Variants in TLL1 observed in about 807,000 individuals in gnomAD.
The protein encoded by TLL1 is tolloid-like protein 1.
A neutral mutation model predicts 128.2 loss-of-function variants in TLL1; 49 were observed. The observed-to-expected ratio is 0.38, with a 90% CI of 0.30 to 0.48. The LOEUF (loss-of-function observed/expected upper bound fraction) is 0.48. Among genes scored for constraint, TLL1 ranks in the 20% least tolerant of loss-of-function variants. The pLI is 0.96. For missense variants in TLL1, 1,123 were observed against 1,242.0 expected (o/e 0.90, Z 1.44); for synonymous variants, 454 against 418.8 (o/e 1.08, Z -1.03).
At chr4:165,902,683 C>T (rs918862198) in intron 1 of TLL1, among the ~76,000 whole-genome samples, 2 of 152,162 alleles carry the variant, frequency 1.3e-5, no homozygotes, top group African/African-American at 4.8e-5. Context: ...ATTGATCTTG[C>T]TGGGAGCTGT....
At chr4:165,895,147 C>G (rs1218214472) in intron 1 of TLL1, among the ~76,000 whole-genome samples, 1 of 151,964 alleles carries the variant, frequency 6.6e-6, no homozygotes, top group Admixed American at 6.6e-5. Flanking sequence ...AAGTCAAGTT[C>G]TAGTTAATGC....
intron 19 of TLL1, among the ~76,000 whole-genome samples, chr4:166,095,444 G>A (rs770717451): frequency 6.6e-6 from 1 of 151,824 alleles, no homozygotes; most frequent in Non-Finnish European, 1.5e-5. Context: ...TTTTCTAAGA[G>A]GATATGGCTA....
intron 19 of TLL1, among the ~76,000 whole-genome samples, chr4:166,095,537 C>T (rs1741979507): frequency 6.6e-6 from 1 of 151,960 alleles, no homozygotes. Flanking sequence ...TTTTCTGTAA[C>T]ATAAAACATC....
At chr4:165,961,912 C>T (rs1735124397) in intron 1 of TLL1, among the ~76,000 whole-genome samples, 1 of 152,054 alleles carries the variant, frequency 6.6e-6, no homozygotes, top group Non-Finnish European at 1.5e-5. Context: ...ATAATCCTGC[C>T]TCCCTTCAGG....
chr4:166,068,360 A>G (rs1740666995), intron 16 of TLL1, among the ~76,000 whole-genome samples: 1 of 151,860 alleles, frequency 6.6e-6, no homozygotes, highest in Non-Finnish European at 1.5e-5. Flanking sequence ...AATTTAATTG[A>G]TGTCTGTTCA....
chr4:165,949,336 AC>A (rs1734400723), intron 1 of TLL1, among the ~76,000 whole-genome samples: 2 of 152,240 alleles, frequency 1.3e-5, no homozygotes, highest in Admixed American at 1.3e-4. Context: ...CAGAACCTTC[AC>A]AAAAAAATGT....
intron 20 of TLL1, among the ~76,000 whole-genome samples, chr4:166,100,456 C>T (rs1052284460): frequency 3.9e-5 from 6 of 152,088 alleles, no homozygotes; most frequent in African/African-American, 1.4e-4. Context: ...GGGAAAAACA[C>T]TCAAGTTCTA....
rs775854148 is a variant in TLL1 at position 165,995,043 on chromosome 4, A to G, written c.515-18A>G. ...CTGGGGATGCCACCTTTTCATTAAC[A>G]TCACACATTTTTTCTAGGCAGCCAG... is the stretch of plus-strand genomic sequence containing the variant. On this transcript the variant is annotated intron_variant, in intron 4 of 20. Coordinates refer to ENST00000061240, the MANE Select transcript of TLL1 (RefSeq NM_012464.5). 14 of 1,606,590 alleles carry G rather than the reference A, an allele frequency of 8.7e-6. No homozygotes were observed. Among genetic ancestry groups the G allele is most frequent in the Non-Finnish European group, 2.6e-6 (3 of 1,173,410 alleles).
chr4:165,954,489 G>A (rs572283368), intron 1 of TLL1, among the ~76,000 whole-genome samples: 2 of 152,186 alleles, frequency 1.3e-5, no homozygotes, highest in African/African-American at 2.4e-5. Context: ...AGAAAGAAAA[G>A]AACTGGATTC....
At chr4:166,070,123 A>G (rs1164825082) in intron 16 of TLL1, among the ~76,000 whole-genome samples, 1 of 151,846 alleles carries the variant, frequency 6.6e-6, no homozygotes, top group Non-Finnish European at 1.5e-5. Flanking sequence ...TTGTTGCTAG[A>G]TTAACAATAA....
intron 1 of TLL1, among the ~76,000 whole-genome samples, chr4:165,977,347 C>A (rs189717301): frequency 6.6e-5 from 10 of 152,260 alleles, no homozygotes; most frequent in African/African-American, 2.4e-4. Context: ...GTTCCTCCTG[C>A]ACACACTCTC....
chr4:165,989,646 T>C (rs1736545890), intron 2 of TLL1, among the ~76,000 whole-genome samples, 155 bp downstream of exon 2: 1 of 146,122 alleles, frequency 6.8e-6, no homozygotes, highest in Non-Finnish European at 1.5e-5. Flanking sequence ...GTTTTATTCA[T>C]AGTTTTCATT....
At chr4:166,044,682 A>G (rs892521447) in intron 12 of TLL1, among the ~76,000 whole-genome samples, 1 of 151,922 alleles carries the variant, frequency 6.6e-6, no homozygotes, top group African/African-American at 2.4e-5. Flanking sequence ...AGACCGGTTT[A>G]TTGTTGATAG....
chr4:166,013,897 T>C (rs1023111980), intron 7 of TLL1, among the ~76,000 whole-genome samples: 1 of 140,572 alleles, frequency 7.1e-6, no homozygotes, highest in Non-Finnish European at 1.5e-5. Flanking sequence ...GCATTCTTTG[T>C]TTTTTTTTAT....
chr4:165,909,807 GA>G (rs1176034164), intron 1 of TLL1, among the ~76,000 whole-genome samples: 1 of 152,136 alleles, frequency 6.6e-6, no homozygotes, highest in African/African-American at 2.4e-5. Flanking sequence ...AGCAGAGTGA[GA>G]AGTAAGTAAC....
At chr4:165,903,253 G>T (rs1485467923) in intron 1 of TLL1, among the ~76,000 whole-genome samples, 3 of 151,972 alleles carry the variant, frequency 2.0e-5, no homozygotes. Flanking sequence ...CAGGAGAATG[G>T]CTTGAACCCA....
chr4:165,924,619 C>T (rs542342484), intron 1 of TLL1, among the ~76,000 whole-genome samples: 12 of 152,256 alleles, frequency 7.9e-5, no homozygotes, highest in South Asian at 6.2e-4. Flanking sequence ...CTTTTGTAGA[C>T]GCTGCAGCAA....
At chr4:165,885,563 T>C (rs1731131216) in intron 1 of TLL1, among the ~76,000 whole-genome samples, 1 of 152,086 alleles carries the variant, frequency 6.6e-6, no homozygotes. Flanking sequence ...TCCCTCCCTC[T>C]TCCTATCTCA....
chr4:166,094,634 A>G (rs1450364476), intron 19 of TLL1, among the ~76,000 whole-genome samples: 1 of 152,150 alleles, frequency 6.6e-6, no homozygotes, highest in East Asian at 1.9e-4. Context: ...GAAGTTAATA[A>G]CAGTTGAAAT....
Sources: gnomAD v4.1 joint callset for allele counts (sites outside exome capture counted in the v4.1 genomes callset) on GRCh38, gnomAD v4.1.1 for gene constraint, MANE v1.5 for transcripts, NCBI Gene and HGNC (gene_info 2026-07-23, HGNC 2026-07-21) for gene names.